The following DCC variants were observed in gnomAD, a reference collection of about 807,000 sequenced individuals.
The protein encoded by DCC is DCC netrin 1 receptor, also known as netrin receptor DCC.
A neutral mutation model predicts 172.5 loss-of-function variants in DCC; 58 were observed. The observed-to-expected ratio is 0.34, with a 90% confidence interval of 0.27 to 0.42. The LOEUF (loss-of-function observed/expected upper bound fraction) is 0.42. DCC is among the 10% of genes least tolerant of loss of function. DCC has a pLI of 1.00. For synonymous variants in DCC, 709 were observed against 644.5 expected (o/e 1.10, Z -1.52); for missense variants, 1,740 against 1,791.0 (o/e 0.97, Z 0.51).
intron 1 of DCC, among the ~76,000 whole-genome samples, chr18:52,615,809 G>A (rs1233800128): frequency 6.6e-6 from 1 of 152,132 alleles, no homozygotes; most frequent in Non-Finnish European, 1.5e-5. Flanking sequence ...GCTGCAAGTG[G>A]GAGTAGGGTA....
rs181229384 is a variant in DCC at position 52,678,257 on chromosome 18, G to A, written c.92-73797G>A. The stretch of plus-strand genomic sequence containing the variant: ...ACACACAAAAGGCAGAAAACAAATA[G>A]TGCTGCTGCCGTCTTATTGGTTGGC... On this transcript the variant is annotated intron_variant, in intron 1 of 28. Coordinates refer to ENST00000442544, the MANE Select transcript of DCC (RefSeq NM_005215.4). 1.8e-3 allele frequency among the ~76,000 whole-genome samples: 277 copies of A among 152,172 alleles called. 1 individual carries two copies. The highest frequency in any genetic ancestry group is 6.4e-3 in the African/African-American group (267 of 41,520).
chr18:53,415,862 C>T (rs1910283752), intron 20 of DCC, among the ~76,000 whole-genome samples: 1 of 150,888 alleles, frequency 6.6e-6, no homozygotes, highest in Non-Finnish European at 1.5e-5. Context: ...TATAATTGTT[C>T]TCAGTTTATG....
rs1030861635 is a variant in DCC at position 52,396,375 on chromosome 18, C to T, written c.91+55497C>T. Among the ~76,000 whole-genome samples the T allele has an allele frequency of 6.8e-5, 10 of 147,626 alleles. 1 individual carries two copies. The South Asian group carries it at 1.5e-3, about 22-fold the overall frequency. On this transcript the variant is annotated intron_variant, in intron 1 of 28. Transcript: ENST00000442544. ...AAAAAATCAACAATTTGAGCTCCTC[C>T]TAATTTTCCTGACAATCAATTTTCT... is the stretch of plus-strand genomic sequence containing the variant.
chr18:53,112,090 A>G (rs1315015611), intron 7 of DCC, among the ~76,000 whole-genome samples: 1 of 122,192 alleles, frequency 8.2e-6, no homozygotes, highest in Non-Finnish European at 1.7e-5. Context: ...CTACAGGGGT[A>G]AAAAAAAACA....
intron 5 of DCC, among the ~76,000 whole-genome samples, chr18:52,969,513 C>CTTAGGGA (rs2040988117): frequency 6.6e-6 from 1 of 151,686 alleles, no homozygotes. Context: ...TTCCCTAGAA[C>CTTAGGGA]CTACTTAGTT....
intron 1 of DCC, among the ~76,000 whole-genome samples, chr18:52,409,657 G>T (rs72918827): frequency 0.091 from 13,869 of 152,050 alleles, 829 homozygotes; most frequent in Middle Eastern, 0.18. Context: ...TAATTCATGA[G>T]CTATTTATCA....
At chr18:53,317,224 C>A (rs1038239472) in intron 13 of DCC, among the ~76,000 whole-genome samples, 6 of 152,102 alleles carry the variant, frequency 3.9e-5, no homozygotes, top group Non-Finnish European at 5.9e-5. Context: ...GTCTTTGTGA[C>A]AAAATATCTC....
At chr18:52,706,471 G>A (rs901577465) in intron 1 of DCC, among the ~76,000 whole-genome samples, 2 of 152,130 alleles carry the variant, frequency 1.3e-5, no homozygotes, top group African/African-American at 4.8e-5. Context: ...GTAGCTATTT[G>A]TGAACATTGT....
At chr18:52,390,641 T>A (rs942083803) in intron 1 of DCC, among the ~76,000 whole-genome samples, 1 of 152,036 alleles carries the variant, frequency 6.6e-6, no homozygotes. Flanking sequence ...TCTTGTCACA[T>A]GGTGGAGTTC....
intron 7 of DCC, among the ~76,000 whole-genome samples, chr18:53,105,773 C>T (rs567238200): frequency 5.3e-5 from 8 of 151,710 alleles, no homozygotes; most frequent in African/African-American, 1.4e-4. Flanking sequence ...TTTTTTGCAG[C>T]GAATAGGTTA....
At chr18:52,500,778 G>A (rs2030988363) in intron 1 of DCC, among the ~76,000 whole-genome samples, 2 of 152,122 alleles carry the variant, frequency 1.3e-5, no homozygotes, top group Middle Eastern at 3.4e-3. Context: ...TAATCCAGCT[G>A]CAAGGAGAGA....
At chr18:53,497,369 A>T (rs1333350767) in intron 26 of DCC, among the ~76,000 whole-genome samples, 1 of 152,156 alleles carries the variant, frequency 6.6e-6, no homozygotes, top group Non-Finnish European at 1.5e-5. Flanking sequence ...GCAATCTAAC[A>T]TTTCACAAGC....
intron 2 of DCC, among the ~76,000 whole-genome samples, chr18:52,823,016 C>T (rs182780082): frequency 1.3e-5 from 2 of 152,036 alleles, no homozygotes; most frequent in Non-Finnish European, 2.9e-5. Context: ...GTCTGTGTCC[C>T]ATGAAAACAT....
At chr18:52,450,109 C>T (rs1162589242) in intron 1 of DCC, among the ~76,000 whole-genome samples, 1 of 152,136 alleles carries the variant, frequency 6.6e-6, no homozygotes, top group East Asian at 1.9e-4. Context: ...CTGTCTCAAA[C>T]CGAGACTTAA....
chr18:53,034,469 C>T (rs2042065785), intron 5 of DCC, among the ~76,000 whole-genome samples: 1 of 152,022 alleles, frequency 6.6e-6, no homozygotes, highest in African/African-American at 2.4e-5. Context: ...TACCTCTAGT[C>T]CATCTACAAA....
At chr18:52,803,907 C>G (rs1454090816) in intron 2 of DCC, among the ~76,000 whole-genome samples, 2 of 152,072 alleles carry the variant, frequency 1.3e-5, no homozygotes, top group Admixed American at 1.3e-4. Flanking sequence ...TATTTTTAAT[C>G]CTCATTTTTA....
intron 1 of DCC, among the ~76,000 whole-genome samples, chr18:52,439,257 C>A (rs1987899153): frequency 6.7e-6 from 1 of 149,554 alleles, no homozygotes; most frequent in African/African-American, 2.5e-5. Flanking sequence ...TAATCTCTTA[C>A]TACAGTGATC....
chr18:53,482,714 C>A (rs1553333), intron 25 of DCC, among the ~76,000 whole-genome samples: 43,127 of 151,722 alleles, frequency 0.28, 6,206 homozygotes, highest in East Asian at 0.4. Flanking sequence ...CTAACATTGT[C>A]ACATTTATGA....
Position 53,499,409 on chromosome 18 carries a change from G to A in DCC, c.4010G>A (p.Arg1337Gln), listed in dbSNP as rs747102029. 1.2e-5 allele frequency: 20 copies of A among 1,613,890 alleles called. No individual in the cohort carries two copies. The highest frequency in any genetic ancestry group is 5.5e-5 in the South Asian group (5 of 91,072). ...PSRTIPTACV[R>Q]PTHPLRSFAN... is the part of the protein sequence containing the mutation. Reference sequence around the variant, plus strand: ...AGAACCATCCCCACAGCTTGTGTTCGACCAACTCACCCACTCCGCAGCTTT... The same window carrying A: ...AGAACCATCCCCACAGCTTGTGTTCAACCAACTCACCCACTCCGCAGCTTT... Residue 1337 changes from arginine to glutamine, a missense_variant, in exon 27 of 29, where the codon CGA (arginine) becomes CAA (glutamine). This residue lies in a region of DCC where 1,732 missense variants were observed against 1,767.4 expected (regional missense o/e 0.98). Transcript: ENST00000442544.
Sources: allele counts gnomAD v4.1 joint callset (sites outside exome capture counted in the v4.1 genomes callset), GRCh38; gene constraint gnomAD v4.1.1; regional missense constraint gnomAD v4.1.1; transcripts MANE v1.5; gene names NCBI Gene and HGNC (gene_info 2026-07-23, HGNC 2026-07-21).